PHACTR2: variants seen among roughly 807,000 people sequenced by gnomAD.
PHACTR2 encodes phosphatase and actin regulator 2.
PHACTR2 carries 30 observed loss-of-function variants against 76.0 expected under a neutral mutation model. The observed-to-expected ratio is 0.39, with a 90% CI of 0.30 to 0.54. PHACTR2 has a LOEUF of 0.54. Ranked by LOEUF, PHACTR2 falls within the 20% of genes least tolerant of loss-of-function variation. PHACTR2 has a pLI of 0.61. For synonymous variants in PHACTR2, 292 were observed against 292.5 expected (o/e 1.00, Z 0.02); for missense variants, 696 against 781.1 (o/e 0.89, Z 1.30).
At chr6:143,685,271 C>CA (rs1554219970) in intron 1 of PHACTR2, among the ~76,000 whole-genome samples, 1 of 149,802 alleles carries the variant, frequency 6.7e-6, no homozygotes, top group South Asian at 2.1e-4. Flanking sequence ...TTTACATGGC[C>CA]AAAAAAAATT....
Position 143,656,901 on chromosome 6 carries a change from A to G in PHACTR2, c.13+48579A>G, listed in dbSNP as rs1268582481. 6.6e-6 allele frequency among the ~76,000 whole-genome samples: 1 copy of G among 152,182 alleles called. No homozygotes were observed. Among genetic ancestry groups the G allele is most frequent in the African/African-American group, 2.4e-5 (1 of 41,452 alleles). ...CTTGATTGGCCACACGAAAATTTAA[A>G]TATTATGAATGTTGAATGGCCAACC... is the stretch of plus-strand genomic sequence containing the variant. On this transcript the variant is annotated intron_variant, in intron 1 of 11. Transcript: ENST00000305766. The surrounding 1 kb of genome is among the most constrained non-coding windows in gnomAD (Gnocchi z 5.3).
At chr6:143,715,968 G>A (rs1385992492) in intron 2 of PHACTR2, among the ~76,000 whole-genome samples, 1 of 152,064 alleles carries the variant, frequency 6.6e-6, no homozygotes, top group East Asian at 1.9e-4. Flanking sequence ...TAGCTTTTTT[G>A]CTATGCTTAT....
chr6:143,661,618 G>A (rs1302501300), intron 1 of PHACTR2, among the ~76,000 whole-genome samples: 1 of 150,028 alleles, frequency 6.7e-6, no homozygotes, highest in East Asian at 1.9e-4. Flanking sequence ...CTGGAATGTG[G>A]CACAATCTCG....
chr6:143,545,702 C>T (rs1454937560), intron 1 of PHACTR2, among the ~76,000 whole-genome samples: 4 of 152,120 alleles, frequency 2.6e-5, no homozygotes, highest in African/African-American at 7.2e-5. Flanking sequence ...CCTACCCCAC[C>T]CTAGTACATA....
rs551382658 is a variant in PHACTR2 at position 143,757,475 on chromosome 6, C to A, written c.455-2926C>A. 6.6e-6 allele frequency among the ~76,000 whole-genome samples: 1 copy of A among 152,192 alleles called. No individual in the cohort carries two copies. Among genetic ancestry groups the A allele is most frequent in the African/African-American group, 2.4e-5 (1 of 41,454 alleles). On this transcript the variant is annotated intron_variant, in intron 4 of 12. Coordinates refer to ENST00000440869, the MANE Select transcript of PHACTR2 (RefSeq NM_001100164.2). This position sits in a 1 kb window ranked among gnomAD's most constrained non-coding sequence, Gnocchi z 4.2. ...AATTGGGTAAGAATTGCATTCTAGGCAGGGTGAGGACCACATGCAGCCCCA... is the reference window on the plus strand; with the variant it reads ...AATTGGGTAAGAATTGCATTCTAGGAAGGGTGAGGACCACATGCAGCCCCA...
rs1431952337 is a variant in PHACTR2 at position 143,598,823 on chromosome 6, CA to C, written c.217+61619del. On this transcript the variant is annotated intron_variant, in intron 1 of 11. Transcript: ENST00000367584. The surrounding 1 kb of genome is among the most constrained non-coding windows in gnomAD (Gnocchi z 4.1). ...AGAGGAATCACTAGACCTCATGTCT[CA>C]AAGACTAGCTAAGTGTTTGCTGTGG... Among the ~76,000 whole-genome samples, 1 of 152,176 alleles carries C rather than the reference CA, an allele frequency of 6.6e-6. No individual in the cohort carries two copies. Among genetic ancestry groups the C allele is most frequent in the East Asian group, 1.9e-4 (1 of 5,200 alleles).
At position 143,648,440 on chromosome 6, in the gene PHACTR2, T is replaced by G. The variant is rs774448507; in HGVS notation, c.13+40118T>G. Among the ~76,000 whole-genome samples, 5 of 152,106 alleles carry G rather than the reference T, an allele frequency of 3.3e-5. No individual in the cohort carries two copies. The highest frequency in any genetic ancestry group is 7.4e-5 in the Non-Finnish European group (5 of 68,016). ...AAAATGGATCTGACTGTCTCTGCAC[T>G]GGGAGTCCCTGGGAGGGGGGGACGA... is the stretch of plus-strand genomic sequence containing the variant. On this transcript the variant is annotated intron_variant, in intron 1 of 11. Coordinates refer to the PHACTR2 transcript ENST00000305766. The surrounding 1 kb of genome is among the most constrained non-coding windows in gnomAD (Gnocchi z 6.7).
chr6:143,713,029 G>A (rs892362302), intron 2 of PHACTR2, among the ~76,000 whole-genome samples: 1 of 152,102 alleles, frequency 6.6e-6, no homozygotes, highest in African/African-American at 2.4e-5. Context: ...ACTGTCCAAG[G>A]CAATCCCTTC....
rs1295352682 is a variant in PHACTR2 at position 143,784,846 on chromosome 6, G to A, written c.1707+1566G>A. Among the ~76,000 whole-genome samples, 2 of 152,174 alleles carry A rather than the reference G, an allele frequency of 1.3e-5. No homozygotes were observed. The highest frequency in any genetic ancestry group is 2.9e-5 in the Non-Finnish European group (2 of 68,026). ...CCCTGATAAACACATCAGATCTTGTGAGACTTTTTGACTATCACAAGAATA... is the reference window on the plus strand; with the variant it reads ...CCCTGATAAACACATCAGATCTTGTAAGACTTTTTGACTATCACAAGAATA... On this transcript the variant is annotated intron_variant, in intron 10 of 12. Coordinates refer to ENST00000440869, the MANE Select transcript of PHACTR2 (RefSeq NM_001100164.2). The surrounding 1 kb of genome is among the most constrained non-coding windows in gnomAD (Gnocchi z 4.5).
At position 143,760,943 on chromosome 6, in the gene PHACTR2, C is replaced by T. The variant is rs1192067151; in HGVS notation, c.694+303C>T. Among the ~76,000 whole-genome samples, 2 of 152,134 alleles carry T rather than the reference C, an allele frequency of 1.3e-5. No homozygotes were observed. Among genetic ancestry groups the T allele is most frequent in the East Asian group, 3.8e-4 (2 of 5,198 alleles). On this transcript the variant is annotated intron_variant, in intron 5 of 12. Coordinates refer to ENST00000440869, the MANE Select transcript of PHACTR2 (RefSeq NM_001100164.2). This position sits in a 1 kb window ranked among gnomAD's most constrained non-coding sequence, Gnocchi z 6.4. ...AGTATGCCTGATGAATGACAATGATCTGATATAACATTATTTAGACATTGA... is the reference window on the plus strand; with the variant it reads ...AGTATGCCTGATGAATGACAATGATTTGATATAACATTATTTAGACATTGA...
chr6:143,656,485 T>G lies in PHACTR2; in HGVS notation c.13+48163T>G, dbSNP rs1176337937. 6.6e-6 allele frequency among the ~76,000 whole-genome samples: 1 copy of G among 152,278 alleles called. No homozygotes were observed. Among genetic ancestry groups the G allele is most frequent in the East Asian group, 1.9e-4 (1 of 5,188 alleles). On this transcript the variant is annotated intron_variant, in intron 1 of 11. Transcript: ENST00000305766. This position sits in a 1 kb window ranked among gnomAD's most constrained non-coding sequence, Gnocchi z 5.3. ...TTTAAGAAAGTTTACGTATTTGTTT[T>G]GGGCTGCATTCAAAGCCATCCTGGG...
At chr6:143,661,447 T>A (rs6931556) in intron 1 of PHACTR2, among the ~76,000 whole-genome samples, 76,212 of 151,814 alleles carry the variant, frequency 0.5, 19,183 homozygotes, top group South Asian at 0.59. Context: ...TTATCCTATA[T>A]AGTAAATAAA....
In PHACTR2 at chr6:143,751,845, A is replaced by C. The variant is rs971159788; in HGVS notation, c.296-1909A>C. ...ACACACTATATCAAGGATTTAACTT[A>C]TTTTAATTCTAAAACAACTTCCTTA... On this transcript the variant is annotated intron_variant, in intron 3 of 12. Coordinates refer to ENST00000440869, the MANE Select transcript of PHACTR2 (RefSeq NM_001100164.2). The surrounding 1 kb of genome is among the most constrained non-coding windows in gnomAD (Gnocchi z 5.7). 5.4e-5 allele frequency among the ~76,000 whole-genome samples: 8 copies of C among 148,390 alleles called. No homozygotes were observed. Among genetic ancestry groups the C allele is most frequent in the African/African-American group, 2.0e-4 (8 of 40,382 alleles).
intron 1 of PHACTR2, among the ~76,000 whole-genome samples, chr6:143,703,646 G>T (rs1445333913): frequency 6.6e-6 from 1 of 151,946 alleles, no homozygotes; most frequent in Non-Finnish European, 1.5e-5. Flanking sequence ...TACTCTTAGG[G>T]ATTTAAAAAG....
At position 143,761,109 on chromosome 6, in the gene PHACTR2, C is replaced by T. The variant is rs1779431618; in HGVS notation, c.694+469C>T. ...TGTTAATGTGTTAAATCCTCAGCAT[C>T]CATAGTCATCTCCCTTCTGATAAAT... On this transcript the variant is annotated intron_variant, in intron 5 of 12. Transcript: ENST00000440869. The surrounding 1 kb of genome is among the most constrained non-coding windows in gnomAD (Gnocchi z 5.2). 6.6e-6 allele frequency among the ~76,000 whole-genome samples: 1 copy of T among 152,176 alleles called. No homozygotes were observed. Among genetic ancestry groups the T allele is most frequent in the African/African-American group, 2.4e-5 (1 of 41,448 alleles).
rs1019094841 is a variant in PHACTR2, at chr6:143,627,122, A to G, written c.13+18800A>G. Among the ~76,000 whole-genome samples the G allele has an allele frequency of 2.6e-5, 4 of 152,186 alleles. No individual in the cohort carries two copies. The highest frequency in any genetic ancestry group is 4.4e-5 in the Non-Finnish European group (3 of 68,028). On this transcript the variant is annotated intron_variant, in intron 1 of 11. Transcript: ENST00000305766. The surrounding 1 kb of genome is among the most constrained non-coding windows in gnomAD (Gnocchi z 4.3). ...TAGAACTGGAAGTGCTTAGGTATCT[A>G]TGAACCAAACAAGTTAGAAGGTCCA...
chr6:143,651,139 G>C (rs1776757174), intron 1 of PHACTR2, among the ~76,000 whole-genome samples: 1 of 152,040 alleles, frequency 6.6e-6, no homozygotes, highest in Non-Finnish European at 1.5e-5. Context: ...ACCACATTGA[G>C]ATGCCATCTC....
At chr6:143,721,097 A>G (rs987764320) in intron 2 of PHACTR2, among the ~76,000 whole-genome samples, 5 of 152,248 alleles carry the variant, frequency 3.3e-5, no homozygotes, top group African/African-American at 1.2e-4. Flanking sequence ...ACCAAAAGTC[A>G]GAAAGCCAAC....
chr6:143,664,838 A>T lies in PHACTR2; in HGVS notation c.14-47178A>T, dbSNP rs193145509. On this transcript the variant is annotated intron_variant, in intron 1 of 11. Coordinates refer to the PHACTR2 transcript ENST00000305766. The surrounding 1 kb of genome is among the most constrained non-coding windows in gnomAD (Gnocchi z 5.1). ...TTTTGAGACACTGTCTTGCTCTGTC[A>T]CCCAGGCTGGAGTGCAGTGGTGCAA... Among the ~76,000 whole-genome samples, 27 of 151,898 alleles carry T rather than the reference A, an allele frequency of 1.8e-4. No homozygotes were observed. The East Asian group carries it at 4.8e-3, about 27-fold the overall frequency.
Sources: allele counts gnomAD v4.1 joint callset (sites outside exome capture counted in the v4.1 genomes callset), GRCh38; gene constraint gnomAD v4.1.1; non-coding constraint Gnocchi (gnomAD v3.1); transcripts MANE v1.5; gene names NCBI Gene and HGNC (gene_info 2026-07-23, HGNC 2026-07-21).